The following CELF4 variants were observed in gnomAD, a reference collection of about 807,000 sequenced individuals.
CELF4 encodes the protein CUGBP Elav-like family member 4, also known as CUG-BP- and ETR-3-like factor 4.
Under a neutral mutation model 59.9 loss-of-function variants are expected in CELF4, and 18 were observed. The ratio of observed to expected loss-of-function variants is 0.30; its 90% CI spans 0.21 to 0.45. The LOEUF is 0.45. CELF4 is among the 20% of genes least tolerant of loss of function. CELF4 has a pLI of 1.00. For synonymous variants in CELF4, 261 were observed against 267.1 expected, an observed-to-expected ratio of 0.98 and a Z score of 0.22; for missense variants, 456 against 689.0, an observed-to-expected ratio of 0.66 and a Z score of 3.79.
chr18:37,432,094 C>T (rs1168798244), intron 2 of CELF4, among the ~76,000 whole-genome samples: 1 of 152,240 alleles, frequency 6.6e-6, no homozygotes, highest in Non-Finnish European at 1.5e-5. Flanking sequence ...GGCAGCCTAG[C>T]TTTGGGTCCC....
chr18:37,278,117 G>A (rs953139607), intron 3 of CELF4, among the ~76,000 whole-genome samples: 5 of 151,188 alleles, frequency 3.3e-5, no homozygotes, highest in East Asian at 1.9e-4. Flanking sequence ...CTAATTCCTC[G>A]TTCCCCTCCC....
At chr18:37,444,755 G>A (rs1427110499) in intron 2 of CELF4, among the ~76,000 whole-genome samples, 2 of 152,036 alleles carry the variant, frequency 1.3e-5, no homozygotes, top group Non-Finnish European at 2.9e-5. Context: ...CCATGGCCCC[G>A]ACAGGCTCAG....
chr18:37,273,190 T>C (rs537110539), intron 6 of CELF4, 27 bp from the exon 7 acceptor site: 6 of 1,594,032 alleles, frequency 3.8e-6, no homozygotes, highest in South Asian at 3.3e-5. Context: ...GGAAAAAATA[T>C]CACGTGCTTC....
In CELF4 at chr18:37,507,470, T is replaced by A. The variant is rs542937697; in HGVS notation, c.287-21863A>T. 4.6e-5 allele frequency among the ~76,000 whole-genome samples: 7 copies of A among 152,330 alleles called. No homozygotes were observed. The South Asian group carries it at 1.0e-3, about 23-fold the overall frequency. On this transcript the variant is annotated intron_variant, in intron 1 of 12. Coordinates refer to ENST00000420428, the MANE Select transcript of CELF4 (RefSeq NM_020180.4). ...GCGTCTCTGTTTCAGGCCAGCACAG[T>A]GATTGTCCTAAGGCCAGGTTCTGGT...
intron 1 of CELF4, among the ~76,000 whole-genome samples, chr18:37,557,256 G>A (rs2099985099): frequency 6.6e-6 from 1 of 152,138 alleles, no homozygotes; most frequent in African/African-American, 2.4e-5. Flanking sequence ...CCCCTTTTGT[G>A]TTTCTATAAA....
intron 2 of CELF4, among the ~76,000 whole-genome samples, chr18:37,410,203 G>A (rs1218870036): frequency 6.6e-6 from 1 of 152,158 alleles, no homozygotes; most frequent in Non-Finnish European, 1.5e-5. Context: ...GGCAGCCTAG[G>A]CTTACACAAT....
intron 2 of CELF4, among the ~76,000 whole-genome samples, chr18:37,435,785 C>A (rs919698475): frequency 6.6e-6 from 1 of 152,192 alleles, no homozygotes; most frequent in Non-Finnish European, 1.5e-5. Flanking sequence ...TGTAGCCCAC[C>A]CTAGCGTGTC....
At chr18:37,268,435 A>G (rs1345390161) in intron 8 of CELF4, among the ~76,000 whole-genome samples, 1 of 152,218 alleles carries the variant, frequency 6.6e-6, no homozygotes, top group Non-Finnish European at 1.5e-5. Flanking sequence ...TCATCCATGC[A>G]GTGGCTTTAT....
chr18:37,497,238 C>T (rs747097800), intron 1 of CELF4, among the ~76,000 whole-genome samples: 35 of 152,158 alleles, frequency 2.3e-4, no homozygotes, highest in South Asian at 4.1e-4. Flanking sequence ...AACCATGTGA[C>T]TGGGGTTGGA....
intron 2 of CELF4, among the ~76,000 whole-genome samples, chr18:37,398,257 T>G (rs188604672): frequency 1.2e-3 from 175 of 151,978 alleles, no homozygotes; most frequent in Non-Finnish European, 2.2e-3. Context: ...GAGTTTGGAG[T>G]CAGAAGGGAG....
At chr18:37,431,357 CTTT>C in intron 2 of CELF4, among the ~76,000 whole-genome samples, 1 of 131,936 alleles carries the variant, frequency 7.6e-6, no homozygotes, top group Middle Eastern at 4.1e-3. Flanking sequence ...TTTCTCCTTT[CTTT>C]CCTTTTTTTT....
chr18:37,555,405 C>T (rs963981154), intron 1 of CELF4, among the ~76,000 whole-genome samples: 6 of 152,292 alleles, frequency 3.9e-5, no homozygotes, highest in East Asian at 1.9e-4. Context: ...CACTCAGGGA[C>T]GCCTCTGTTT....
chr18:37,495,377 C>G (rs1455202716), intron 1 of CELF4, among the ~76,000 whole-genome samples: 1 of 152,252 alleles, frequency 6.6e-6, no homozygotes, highest in East Asian at 1.9e-4. Context: ...GCTTCTGAGC[C>G]TCTGCCTCAC....
At chr18:37,474,050 C>T (rs1030938587) in intron 2 of CELF4, 1 of 152,158 alleles carries the variant, frequency 6.6e-6, no homozygotes, top group Non-Finnish European at 1.5e-5. Flanking sequence ...GATGCAATGC[C>T]CTCCGACAGC....
At chr18:37,280,922 G>A (rs2154381166) in intron 3 of CELF4, among the ~76,000 whole-genome samples, 1 of 152,196 alleles carries the variant, frequency 6.6e-6, no homozygotes, top group East Asian at 1.9e-4. Context: ...AAAAGCATTG[G>A]GTGACACCCG....
chr18:37,272,900 C>G (rs868625508), intron 7 of CELF4, 116 bp downstream of exon 7: 10 of 1,053,982 alleles, frequency 9.5e-6, no homozygotes, highest in Non-Finnish European at 1.4e-5. Flanking sequence ...CTCTCGGGCC[C>G]AGACACTATG....
chr18:37,247,343 G>GAGAA (rs1441377580), intron 12 of CELF4: 1 of 141,408 alleles, frequency 7.1e-6, no homozygotes, highest in African/African-American at 2.6e-5. Flanking sequence ...TATATGTAGA[G>GAGAA]AGAGAGAGAG....
At chr18:37,499,108 T>G (rs760434006) in intron 1 of CELF4, among the ~76,000 whole-genome samples, 1 of 152,170 alleles carries the variant, frequency 6.6e-6, no homozygotes, top group African/African-American at 2.4e-5. Flanking sequence ...TACACACTCA[T>G]AGGGGACAGG....
intron 1 of CELF4, among the ~76,000 whole-genome samples, chr18:37,564,240 A>G (rs1056698673): frequency 2.0e-5 from 3 of 152,188 alleles, no homozygotes; most frequent in African/African-American, 7.2e-5. Flanking sequence ...ACTTGCCCAC[A>G]TAGATCCAGC....
Sources: gnomAD v4.1 joint callset for allele counts (sites outside exome capture counted in the v4.1 genomes callset) on GRCh38, gnomAD v4.1.1 for gene constraint, MANE v1.5 for transcripts, NCBI Gene and HGNC (gene_info 2026-07-23, HGNC 2026-07-21) for gene names.